Variants in PCDH11X observed in about 807,000 individuals in gnomAD.
PCDH11X encodes protocadherin 11 X-linked.
Under a neutral mutation model 53.3 loss-of-function variants are expected in PCDH11X, and 18 were observed. The ratio of observed to expected loss-of-function variants is 0.34; its 90% CI spans 0.23 to 0.50. The LOEUF (loss-of-function observed/expected upper bound fraction) is 0.50, where lower values mean the gene tolerates loss of function less well. Among genes scored for constraint, PCDH11X ranks in the 20% least tolerant of loss-of-function variants. PCDH11X has a pLI of 0.98. For synonymous variants in PCDH11X, 279 were observed against 393.3 expected, an observed-to-expected ratio of 0.71 and a Z score of 3.44; for missense variants, 570 against 1,032.4, an observed-to-expected ratio of 0.55 and a Z score of 6.14.
At chrX:92,500,927 A>G (rs2148695261) in intron 10 of PCDH11X, among the ~76,000 whole-genome samples, 1 of 110,811 alleles carries the variant, frequency 9.0e-6, no homozygotes. Flanking sequence ...AAAAATCAAC[A>G]AATCCAGGAG....
chrX:92,259,414 G>A (rs1313205166), intron 7 of PCDH11X, among the ~76,000 whole-genome samples: 1 of 111,375 alleles, frequency 9.0e-6, no homozygotes, highest in Non-Finnish European at 1.9e-5. Flanking sequence ...ATGGTGGAAG[G>A]CAAAGGGGTA....
chrX:92,459,572 G>C, intron 9 of PCDH11X: 1 of 462,375 alleles, frequency 2.2e-6, no homozygotes, highest in South Asian at 3.3e-5. Flanking sequence ...AAAGTATCCA[G>C]GAGTAAATAA....
At chrX:92,036,425 C>T (rs2063126658) in intron 6 of PCDH11X, among the ~76,000 whole-genome samples, 1 of 108,387 alleles carries the variant, frequency 9.2e-6, no homozygotes, top group African/African-American at 3.4e-5. Context: ...GTCTTTCCTG[C>T]ACTGTTCTCA....
intron 6 of PCDH11X, among the ~76,000 whole-genome samples, chrX:92,009,210 C>A (rs2147976474): frequency 8.9e-6 from 1 of 111,853 alleles, no homozygotes; most frequent in African/African-American, 3.2e-5. Flanking sequence ...TATTCTAGCT[C>A]AATTTCCCTA....
intron 8 of PCDH11X, among the ~76,000 whole-genome samples, chrX:92,305,715 G>T (rs930247278): frequency 1.2e-4 from 13 of 109,346 alleles, no homozygotes; most frequent in Non-Finnish European, 2.5e-4. Context: ...TTTTAAAGTG[G>T]AATCTACCTA....
intron 6 of PCDH11X, among the ~76,000 whole-genome samples, chrX:91,946,061 G>A (rs752282356): frequency 1.8e-5 from 2 of 109,288 alleles, no homozygotes; most frequent in African/African-American, 6.6e-5. Context: ...AATCCTCTCC[G>A]TGGTGAAACG....
At chrX:92,355,839 A>T (rs1027454841) in intron 8 of PCDH11X, among the ~76,000 whole-genome samples, 7 of 109,888 alleles carry the variant, frequency 6.4e-5, no homozygotes, top group African/African-American at 2.3e-4. Context: ...TGATCACTGC[A>T]ATCAGAGAAC....
intron 6 of PCDH11X, among the ~76,000 whole-genome samples, chrX:92,010,131 G>A: frequency 9.0e-6 from 1 of 110,821 alleles, no homozygotes; most frequent in Non-Finnish European, 1.9e-5. Flanking sequence ...AAACTGTTCT[G>A]TGCACATGGA....
intron 8 of PCDH11X, among the ~76,000 whole-genome samples, chrX:92,279,109 C>G (rs1229123232): frequency 1.8e-5 from 2 of 111,935 alleles, no homozygotes; most frequent in African/African-American, 6.5e-5. Flanking sequence ...CCATGCCCAG[C>G]CTCTTTTTAG....
At chrX:91,938,892 C>G (rs1302674385) in intron 6 of PCDH11X, among the ~76,000 whole-genome samples, 1 of 110,782 alleles carries the variant, frequency 9.0e-6, no homozygotes, top group Admixed American at 9.6e-5. Flanking sequence ...TTATATTCAT[C>G]CCAGATAAAA....
intron 6 of PCDH11X, among the ~76,000 whole-genome samples, chrX:91,991,186 A>G (rs1214286047): frequency 2.9e-4 from 28 of 97,258 alleles, no homozygotes; most frequent in African/African-American, 9.3e-4. Flanking sequence ...TGGCAATGGT[A>G]GAAGTCTACA....
At chrX:92,147,806 CCTTCCTTTCTTTCTTTCTTTCTTTCTTT>C (rs1368812928) in intron 6 of PCDH11X, among the ~76,000 whole-genome samples, 2 of 65,272 alleles carry the variant, frequency 3.1e-5, no homozygotes, top group African/African-American at 1.3e-4. Flanking sequence ...TTCTTTTCTT[CCTTCCTTTCTTTCTTTCTTTCTTTCTTT>C]CTTTCTTTCT....
In PCDH11X at chrX:92,284,558, A is replaced by G. The variant is rs757366638; in HGVS notation, c.3144+21415A>G. The stretch of plus-strand genomic sequence containing the variant: ...TCTGAGAAAGAGGGAAATTGTTATT[A>G]CTGACCCTCTTCCATATTGGTACCC... On this transcript the variant is annotated intron_variant, in intron 8 of 10. Transcript: ENST00000682573. Among the ~76,000 whole-genome samples, 18 of 112,390 alleles carry G rather than the reference A, an allele frequency of 1.6e-4. No individual in the cohort carries two copies. In the South Asian group the frequency reaches 3.3e-3, roughly 20 times the overall value.
At chrX:92,514,171 G>A (rs1372308581) in intron 10 of PCDH11X, among the ~76,000 whole-genome samples, 1 of 108,912 alleles carries the variant, frequency 9.2e-6, no homozygotes, top group Non-Finnish European at 1.9e-5. Flanking sequence ...AAACATTCAT[G>A]TATGAGTCTC....
In PCDH11X at chrX:92,042,107, G is replaced by A. The variant is rs1293010391; in HGVS notation, c.3034-159268G>A. On this transcript the variant is annotated intron_variant, in intron 6 of 10. Transcript: ENST00000682573. ...AAACGTAATTTAACTTTTAATTACA[G>A]TATTATGTGATAAGAATACGAGTGT... Among the ~76,000 whole-genome samples, 8 of 111,532 alleles carry A rather than the reference G, an allele frequency of 7.2e-5. No individual in the cohort carries two copies. The South Asian group carries it at 2.9e-3, about 41-fold the overall frequency.
intron 9 of PCDH11X, among the ~76,000 whole-genome samples, chrX:92,448,889 G>T (rs1244666269): frequency 9.0e-6 from 1 of 111,625 alleles, no homozygotes; most frequent in Non-Finnish European, 1.9e-5. Context: ...AAAATATACA[G>T]CAACAGATTT....
intron 6 of PCDH11X, among the ~76,000 whole-genome samples, chrX:92,048,641 G>A (rs1422074473): frequency 1.8e-5 from 2 of 111,845 alleles, no homozygotes; most frequent in Admixed American, 9.5e-5. Flanking sequence ...AAAGTGCTAC[G>A]TGTTAAATGT....
chrX:92,496,323 T>C lies in PCDH11X; in HGVS notation c.3367+28001T>C, dbSNP rs2073858967. 2.0e-5 allele frequency among the ~76,000 whole-genome samples: 2 copies of C among 100,610 alleles called. 1 individual carries two copies. The highest frequency in any genetic ancestry group is 7.9e-5 in the African/African-American group (2 of 25,452). The allele number at this position is 100,610 out of a possible 115,157, so 87.4% of individuals were successfully genotyped here. On this transcript the variant is annotated intron_variant, in intron 10 of 10. Transcript: ENST00000682573. ...GCCTTAGCTGAGGTTTAGTGTTTTC[T>C]AAACAGGCTTAAAATGGAAGTTGTT...
intron 10 of PCDH11X, among the ~76,000 whole-genome samples, chrX:92,544,633 T>C (rs2074815170): frequency 9.1e-6 from 1 of 110,486 alleles, no homozygotes; most frequent in African/African-American, 3.3e-5. Context: ...TAGGTGCCAT[T>C]GAAGACACCG....
Sources: allele counts gnomAD v4.1 joint callset (sites outside exome capture counted in the v4.1 genomes callset), GRCh38; gene constraint gnomAD v4.1.1; transcripts MANE v1.5; gene names NCBI Gene and HGNC (gene_info 2026-07-23, HGNC 2026-07-21).